The following HEATR5A variants were observed in gnomAD, a reference collection of about 807,000 sequenced individuals.
The protein encoded by HEATR5A is HEAT repeat-containing protein 5A.
HEATR5A carries 178 observed loss-of-function variants against 218.8 expected under a neutral mutation model. The observed-to-expected ratio is 0.81, with a 90% confidence interval of 0.72 to 0.92. The LOEUF is 0.92. HEATR5A is among the 40% of genes least tolerant of loss of function. HEATR5A has a pLI of 0.00. For synonymous variants in HEATR5A, 864 were observed against 871.6 expected, an observed-to-expected ratio of 0.99 and a Z score of 0.15; for missense variants, 2,420 against 2,418.9, an observed-to-expected ratio of 1.00 and a Z score of -0.01.
rs2030938242 is a variant in HEATR5A at position 31,403,133 on chromosome 14, A to G, written c.-74-84T>C. ...CGGAAATCAGAAAAGTGAAAACATA[A>G]TTAAATGTATACATTTTTTATAAAT... On this transcript the variant is annotated intron_variant, in intron 1 of 35. Transcript: ENST00000543095. The G allele has an allele frequency of 4.7e-6, 3 of 632,950 alleles. No homozygotes were observed. The East Asian group carries it at 8.4e-5, about 18-fold the overall frequency. 39.2% of individuals were successfully genotyped at this position (632,950 alleles called of 1,614,324 possible). A position where few individuals can be genotyped will look rare whatever the true frequency, so the allele number is the denominator to read the frequency against.
intron 16 of HEATR5A, among the ~76,000 whole-genome samples, chr14:31,354,812 A>G (rs1566765690): frequency 6.6e-6 from 1 of 152,184 alleles, no homozygotes; most frequent in Non-Finnish European, 1.5e-5. Flanking sequence ...ACAAAATAAT[A>G]CTTTTTAGAG....
Position 31,309,055 on chromosome 14 carries a change from A to C in HEATR5A, c.4569T>G (p.Asp1523Glu). The C allele has an allele frequency of 6.2e-7, 1 of 1,613,962 alleles. No homozygotes were observed. Among genetic ancestry groups the C allele is most frequent in the Non-Finnish European group, 8.5e-7 (1 of 1,179,866 alleles). Residue 1523 changes from aspartate to glutamate, a missense_variant, in exon 29 of 36, where the codon GAT (aspartate) becomes GAG (glutamate). Coordinates refer to ENST00000543095, the MANE Select transcript of HEATR5A (RefSeq NM_015473.4). Reference sequence around the variant, plus strand: ...GCCTGGAGAGATTAGATGCTCCTTCATCTGGGTCAGCAACAACAAAACCCG... The same window carrying C: ...GCCTGGAGAGATTAGATGCTCCTTCCTCTGGGTCAGCAACAACAAAACCCG... ...TSTGFVVADP[D>E]EGASNLSRPV...
In HEATR5A at chr14:31,302,630, G is replaced by A. The variant is rs1899421443; in HGVS notation, c.5240-111C>T. On this transcript the variant is annotated intron_variant, in intron 32 of 35. Transcript: ENST00000543095. Reference sequence around the variant, plus strand: ...GTCAGATTTTCAGTTTTTAAAAGATGATTTCTAATAAAGAATTATAACTGT... The same window carrying A: ...GTCAGATTTTCAGTTTTTAAAAGATAATTTCTAATAAAGAATTATAACTGT... 4.2e-6 allele frequency: 3 copies of A among 708,256 alleles called. No individual in the cohort carries two copies. In the East Asian group the frequency reaches 8.1e-5, roughly 19 times the overall value. The allele number at this position is 708,256 out of a possible 1,614,324, so 43.9% of individuals were successfully genotyped here. A position where few individuals can be genotyped will look rare whatever the true frequency, so the allele number is the denominator to read the frequency against.
rs4981096 is a variant in HEATR5A at position 31,391,066 on chromosome 14, A to T, written c.773-2061T>A. Among the ~76,000 whole-genome samples the T allele has an allele frequency of 2.9e-4, 44 of 152,084 alleles. 1 individual carries two copies. The highest frequency in any genetic ancestry group is 1.9e-3 in the Admixed American group (29 of 15,248). On this transcript the variant is annotated intron_variant, in intron 6 of 35. Coordinates refer to ENST00000543095, the MANE Select transcript of HEATR5A (RefSeq NM_015473.4). Reference sequence around the variant, plus strand: ...TGTGTGTGTTTAAAAGTTAAAAAAAATTTTTTTAATAGAAAAAAGCTTATA... The same window carrying T: ...TGTGTGTGTTTAAAAGTTAAAAAAATTTTTTTTAATAGAAAAAAGCTTATA...
intron 34 of HEATR5A, among the ~76,000 whole-genome samples, chr14:31,294,353 C>T (rs1777172975): frequency 6.6e-6 from 1 of 151,706 alleles, no homozygotes; most frequent in Non-Finnish European, 1.5e-5. Flanking sequence ...CTTCTTTTCT[C>T]TAATTCCCAT....
At chr14:31,302,570 G>A in intron 32 of HEATR5A, 51 bp from the exon 33 acceptor site, 1 of 1,215,178 alleles carries the variant, frequency 8.2e-7, no homozygotes, top group Non-Finnish European at 1.2e-6. Context: ...TATATATATG[G>A]TTTCTAAAAA....
intron 11 of HEATR5A, 67 bp from the exon 12 acceptor site, chr14:31,375,035 T>G: frequency 7.7e-7 from 1 of 1,303,224 alleles, no homozygotes; most frequent in Non-Finnish European, 1.0e-6. Flanking sequence ...ACTCTATTAT[T>G]AAGCAGCAAC....
chr14:31,311,051 AACCAACCAAC>A (rs1899733040), intron 28 of HEATR5A, among the ~76,000 whole-genome samples: 2 of 151,644 alleles, frequency 1.3e-5, no homozygotes, highest in African/African-American at 4.8e-5. Flanking sequence ...CCAACCAACC[AACCAACCAAC>A]CAACCAACCA....
At chr14:31,345,509 T>G (rs1900990643) in intron 19 of HEATR5A, among the ~76,000 whole-genome samples, 1 of 152,208 alleles carries the variant, frequency 6.6e-6, no homozygotes, top group Non-Finnish European at 1.5e-5. Context: ...AGCTAACAGT[T>G]TGAATCAAAT....
At chr14:31,335,208 G>C (rs1900613660) in intron 22 of HEATR5A, among the ~76,000 whole-genome samples, 1 of 152,092 alleles carries the variant, frequency 6.6e-6, no homozygotes, top group African/African-American at 2.4e-5. Flanking sequence ...ACATAACTCT[G>C]ATATGCACTG....
intron 22 of HEATR5A, among the ~76,000 whole-genome samples, chr14:31,335,861 G>A (rs1396908102): frequency 2.6e-5 from 4 of 151,922 alleles, no homozygotes; most frequent in African/African-American, 9.7e-5. Context: ...CGCTATGTTG[G>A]CCAGGCTGGT....
intron 21 of HEATR5A, among the ~76,000 whole-genome samples, chr14:31,338,600 A>G (rs898236423): frequency 3.3e-5 from 5 of 152,220 alleles, no homozygotes; most frequent in Admixed American, 2.6e-4. Context: ...TAAATTTTGT[A>G]CTATGAAAGT....
chr14:31,372,656 C>T (rs1452593959), intron 12 of HEATR5A, among the ~76,000 whole-genome samples: 1 of 152,018 alleles, frequency 6.6e-6, no homozygotes, highest in African/African-American at 2.4e-5. Flanking sequence ...TGGAGAACCC[C>T]ATCTCTACTA....
chr14:31,384,754 T>C (rs1004150748), intron 9 of HEATR5A, among the ~76,000 whole-genome samples: 2 of 152,070 alleles, frequency 1.3e-5, no homozygotes, highest in African/African-American at 2.4e-5. Context: ...CTTGAACTCC[T>C]GACCTCAGGT....
At chr14:31,337,421 A>T in intron 22 of HEATR5A, 55 bp downstream of exon 22, 1 of 1,452,260 alleles carries the variant, frequency 6.9e-7, no homozygotes, top group Non-Finnish European at 9.3e-7. Flanking sequence ...TATATGGAAA[A>T]TTTAAAATAA....
rs1051733281 is a variant in HEATR5A, at chr14:31,358,955, T to C, written c.2174A>G (p.Asp725Gly). The change falls in exon 15 of 36, where the codon GAT becomes GGT. Residue 725 changes from aspartate to glycine, a missense_variant. Transcript: ENST00000543095. Reference protein sequence around the residue: ...TFLLPPLCHQDDLLILSPFLQ... With the variant: ...TFLLPPLCHQGDLLILSPFLQ... ...GAAAGGACTTAGTATCAAAAGATCA[T>C]CCTGATGACAGAGGGGTGGAAGTAA... The C allele has an allele frequency of 6.3e-7, 1 of 1,590,810 alleles. No individual in the cohort carries two copies. The highest frequency in any genetic ancestry group is 1.4e-5 in the African/African-American group (1 of 73,192).
intron 32 of HEATR5A, among the ~76,000 whole-genome samples, chr14:31,303,357 C>T (rs961070225): frequency 8.5e-5 from 13 of 152,066 alleles, no homozygotes; most frequent in African/African-American, 2.9e-4. Flanking sequence ...TGCTTGAACC[C>T]GGGAGGCAGA....
At chr14:31,393,989 T>C in intron 6 of HEATR5A, 63 bp downstream of exon 6, 3 of 1,098,932 alleles carry the variant, frequency 2.7e-6, no homozygotes, top group Non-Finnish European at 3.8e-6. Flanking sequence ...CTATACATAT[T>C]TGTTTATATC....
At chr14:31,405,267 C>A (rs2031020980) in intron 1 of HEATR5A, among the ~76,000 whole-genome samples, 1 of 152,000 alleles carries the variant, frequency 6.6e-6, no homozygotes, top group African/African-American at 2.4e-5. Flanking sequence ...AACCCCATCT[C>A]TACGAAAAAT....
Sources: allele counts gnomAD v4.1 joint callset (sites outside exome capture counted in the v4.1 genomes callset), GRCh38; gene constraint gnomAD v4.1.1; transcripts MANE v1.5; gene names NCBI Gene and HGNC (gene_info 2026-07-23, HGNC 2026-07-21).